Variants in LNPK observed in about 807,000 individuals in gnomAD.
LNPK encodes endoplasmic reticulum junction formation protein lunapark.
In LNPK, 29 loss-of-function variants were observed where a neutral mutation model predicts 55.2. The ratio of observed to expected loss-of-function variants is 0.53; its 90% confidence interval spans 0.39 to 0.72. The LOEUF (loss-of-function observed/expected upper bound fraction) is 0.72. LNPK is among the 30% of genes least tolerant of loss of function. LNPK has a pLI of 0.00. For missense variants in LNPK, 467 were observed against 494.8 expected, an observed-to-expected ratio of 0.94 and a Z score of 0.53; for synonymous variants, 162 against 168.2, an observed-to-expected ratio of 0.96 and a Z score of 0.29.
intron 8 of LNPK, among the ~76,000 whole-genome samples, chr2:175,960,926 A>G (rs1469443570): frequency 6.6e-6 from 1 of 152,230 alleles, no homozygotes; most frequent in Non-Finnish European, 1.5e-5. Flanking sequence ...AGAATACTAT[A>G]GACACCTCTA....
chr2:175,935,402 C>G (rs1684493607), intron 12 of LNPK, among the ~76,000 whole-genome samples: 3 of 152,042 alleles, frequency 2.0e-5, no homozygotes, highest in African/African-American at 7.2e-5. Flanking sequence ...TCATAAGCCA[C>G]CGGGGTTCAA....
chr2:175,971,298 G>T (rs1038482491), intron 5 of LNPK, among the ~76,000 whole-genome samples: 1 of 151,912 alleles, frequency 6.6e-6, no homozygotes, highest in East Asian at 1.9e-4. Flanking sequence ...ATCTGAGAAG[G>T]GACATGGAAA....
Position 175,983,262 on chromosome 2 carries a change from T to A in LNPK, c.258-3394A>T, listed in dbSNP as rs79351275. Among the ~76,000 whole-genome samples the A allele has an allele frequency of 5.4e-3, 824 of 152,108 alleles. 6 individuals carry two copies. Among genetic ancestry groups the A allele is most frequent in the African/African-American group, 0.019 (787 of 41,508 alleles). The stretch of plus-strand genomic sequence containing the variant: ...TCAGAAGTGCACTATTTACAAAGAG[T>A]ATTCTGTTCCTATGGCAAGGGGGTT... On this transcript the variant is annotated intron_variant, in intron 4 of 12. Coordinates refer to ENST00000272748, the MANE Select transcript of LNPK (RefSeq NM_030650.3).
intron 9 of LNPK, among the ~76,000 whole-genome samples, chr2:175,941,275 A>G (rs1248782098): frequency 1.3e-5 from 1 of 77,014 alleles, no homozygotes; most frequent in East Asian, 4.5e-4. Context: ...TAATATATTT[A>G]TATTTATATT....
At chr2:175,999,924 C>T (rs992278969) in intron 1 of LNPK, among the ~76,000 whole-genome samples, 2 of 152,132 alleles carry the variant, frequency 1.3e-5, no homozygotes, top group Admixed American at 6.5e-5. Context: ...TGCCACCACT[C>T]CCGACTAATT....
Position 175,995,565 on chromosome 2 carries a change from C to T in LNPK, c.20G>A (p.Arg7Gln), listed in dbSNP as rs1410861603. The change falls in exon 2 of 13, where the codon CGA (arginine) becomes CAA (glutamine). Residue 7 changes from arginine (R) to glutamine (Q), a missense_variant. Arg to Gln is a conservative substitution (Grantham distance 43). Transcript: ENST00000272748. ...TAAAGAAAAGTACCTTACCCTCCAT[C>T]GAGAAAATAATCCACCCATCTTTTA... Reference protein sequence around the residue: MGGLFSRWRTKPSTVEV... With the variant: MGGLFSQWRTKPSTVEV... 6.8e-6 allele frequency: 11 copies of T among 1,609,862 alleles called. No homozygotes were observed. Among genetic ancestry groups the T allele is most frequent in the East Asian group, 2.2e-5 (1 of 44,624 alleles).
intron 9 of LNPK, among the ~76,000 whole-genome samples, chr2:175,945,264 C>T (rs1669149235): frequency 6.7e-6 from 1 of 149,038 alleles, no homozygotes; most frequent in African/African-American, 2.4e-5. Context: ...AATCCCGGCA[C>T]TTTGGGAGAC....
At chr2:175,995,451 T>C (rs1050169572) in intron 2 of LNPK, 107 bp downstream of exon 2, 16 of 730,166 alleles carry the variant, frequency 2.2e-5, no homozygotes, top group Non-Finnish European at 3.4e-5. Flanking sequence ...TTAAGGAAAA[T>C]AGCAAACTAC....
chr2:175,993,510 C>T (rs961471810), intron 2 of LNPK, among the ~76,000 whole-genome samples: 1 of 152,124 alleles, frequency 6.6e-6, no homozygotes, highest in East Asian at 1.9e-4. Flanking sequence ...TAGAACACAC[C>T]GTTCTAGAAA....
intron 4 of LNPK, 93 bp from the exon 5 acceptor site, chr2:175,979,961 GT>G: frequency 8.5e-7 from 1 of 1,175,814 alleles, no homozygotes; most frequent in Non-Finnish European, 1.2e-6. Flanking sequence ...TCCAATTAGA[GT>G]TAGGTACATT....
At chr2:175,976,277 C>G (rs1166856064) in intron 5 of LNPK, among the ~76,000 whole-genome samples, 1 of 152,042 alleles carries the variant, frequency 6.6e-6, no homozygotes, top group Admixed American at 6.6e-5. Context: ...ATTGTGCAAG[C>G]AAGAGATGAT....
chr2:175,979,176 GGGTTGA>G (rs1384461167), intron 5 of LNPK, among the ~76,000 whole-genome samples: 4 of 151,994 alleles, frequency 2.6e-5, no homozygotes, highest in African/African-American at 9.7e-5. Flanking sequence ...TGAAAAAAAT[GGGTTGA>G]GGTAAAAATG....
At chr2:175,940,804 TA>T (rs1438868491) in intron 9 of LNPK, among the ~76,000 whole-genome samples, 3 of 151,944 alleles carry the variant, frequency 2.0e-5, no homozygotes, top group African/African-American at 4.8e-5. Flanking sequence ...TAAGTAGACA[TA>T]AAAAAATGTA....
At chr2:175,939,476 T>C in intron 10 of LNPK, 76 bp downstream of exon 10, 1 of 686,712 alleles carries the variant, frequency 1.5e-6, no homozygotes, top group Non-Finnish European at 2.4e-6. Flanking sequence ...GCCACAAAAC[T>C]AAAACATCTA....
chr2:175,953,719 T>C (rs1174488630), intron 8 of LNPK, among the ~76,000 whole-genome samples: 7 of 151,582 alleles, frequency 4.6e-5, no homozygotes, highest in Non-Finnish European at 1.0e-4. Flanking sequence ...TTCCTAATTG[T>C]TCTCTATGGC....
chr2:175,935,087 T>A (rs527270408), intron 12 of LNPK, among the ~76,000 whole-genome samples: 155 of 152,046 alleles, frequency 1.0e-3, no homozygotes, highest in African/African-American at 3.3e-3. Flanking sequence ...GAAAAAAAAA[T>A]ATTTCTTCTA....
At chr2:175,995,761 T>C (rs887482814) in intron 1 of LNPK, 115 bp from the exon 2 acceptor site, 16 of 384,576 alleles carry the variant, frequency 4.2e-5, no homozygotes, top group Middle Eastern at 4.5e-4. Flanking sequence ...GGATGCCACA[T>C]ATATGGAATT....
Position 175,979,971 on chromosome 2 carries a change from T to C in LNPK, c.258-103A>G, listed in dbSNP as rs1248468430. On this transcript the variant is annotated intron_variant, in intron 4 of 12. Transcript: ENST00000272748. ...ATATTTCCAATTAGAGTTAGGTACA[T>C]TGTTTCCCTTTATATACAGAAAACT... 1.7e-5 allele frequency: 18 copies of C among 1,070,094 alleles called. No homozygotes were observed. In the East Asian group the frequency reaches 4.2e-4, roughly 25 times the overall value. The allele number at this position is 1,070,094 out of a possible 1,614,324, so 66.3% of individuals were successfully genotyped here. A position where few individuals can be genotyped will look rare whatever the true frequency, so the allele number is the denominator to read the frequency against.
intron 12 of LNPK, 91 bp downstream of exon 12, chr2:175,937,253 A>G (rs1684592940): frequency 1.5e-6 from 2 of 1,292,400 alleles, no homozygotes; most frequent in Non-Finnish European, 2.2e-6. Context: ...AATCTGATAA[A>G]TTAATCCATC....
Sources: gnomAD v4.1 joint callset for allele counts (sites outside exome capture counted in the v4.1 genomes callset) on GRCh38, gnomAD v4.1.1 for gene constraint, MANE v1.5 for transcripts, NCBI Gene and HGNC (gene_info 2026-07-23, HGNC 2026-07-21) for gene names.